PDE1C: variants seen among roughly 807,000 people sequenced by gnomAD.
The protein encoded by PDE1C is dual specificity calcium/calmodulin-dependent 3',5'-cyclic nucleotide phosphodiesterase 1C.
Under a neutral mutation model 93.1 loss-of-function variants are expected in PDE1C, and 62 were observed. That is an observed-to-expected ratio of 0.67 (90% CI 0.54 to 0.82). The LOEUF (loss-of-function observed/expected upper bound fraction) is 0.82. Ranked by LOEUF, PDE1C falls within the 40% of genes least tolerant of loss-of-function variation. PDE1C has a pLI of 0.00. For missense variants in PDE1C, 742 were observed against 884.6 expected (o/e 0.84, Z 2.04); for synonymous variants, 325 against 310.1 (o/e 1.05, Z -0.50).
chr7:32,422,635 G>C (rs536506364), intron 1 of PDE1C, among the ~76,000 whole-genome samples: 1 of 152,242 alleles, frequency 6.6e-6, no homozygotes, highest in African/African-American at 2.4e-5. Flanking sequence ...ATGGCCTCAA[G>C]CTAAATCCAT....
At chr7:31,626,463 A>T in the PDE1C span, among the ~76,000 whole-genome samples, 1 of 152,158 alleles carries the variant, frequency 6.6e-6, no homozygotes, top group African/African-American at 2.4e-5. Context: ...TTTTCCCACT[A>T]TATTTCTGTT....
chr7:32,112,623 CTTT>C (rs11367872), intron 3 of PDE1C, among the ~76,000 whole-genome samples: 13 of 141,052 alleles, frequency 9.2e-5, no homozygotes, highest in Admixed American at 1.4e-4. Flanking sequence ...CATCTAGCTG[CTTT>C]TTTTTTTTTT....
chr7:32,341,330 C>T (rs1013601491), intron 1 of PDE1C, among the ~76,000 whole-genome samples: 1 of 149,348 alleles, frequency 6.7e-6, no homozygotes, highest in Non-Finnish European at 1.5e-5. Flanking sequence ...CGCCCGCTAC[C>T]ACGCCCGGCT....
At position 31,823,250 on chromosome 7, in the gene PDE1C, T is replaced by A; in HGVS notation, c.1407-2A>T. The A allele has an allele frequency of 6.3e-7, 1 of 1,599,122 alleles. No homozygotes were observed. The highest frequency in any genetic ancestry group is 1.8e-5 in the Admixed American group (1 of 56,080). On this transcript the variant is annotated splice_acceptor_variant, in intron 13 of 17. Transcript: ENST00000396191. LOFTEE classifies it high-confidence loss of function. ...TCTGACGAGCTGATGCTATTCAAAC[T>A]GGAAAACAAAAAAATCATACCAAAG...
intron 2 of PDE1C, among the ~76,000 whole-genome samples, chr7:32,037,831 T>C (rs73098621): frequency 0.058 from 8,794 of 152,208 alleles, 300 homozygotes; most frequent in Non-Finnish European, 0.073. Flanking sequence ...ATTGCATAGT[T>C]CCACTCAGTA....
intron 1 of PDE1C, among the ~76,000 whole-genome samples, chr7:32,424,606 G>T (rs1785493527): frequency 6.6e-6 from 1 of 152,144 alleles, no homozygotes; most frequent in Non-Finnish European, 1.5e-5. Context: ...GATCACTTGA[G>T]CCCAGGCCTG....
intron 1 of PDE1C, among the ~76,000 whole-genome samples, chr7:32,216,274 A>ACTGC: frequency 6.6e-6 from 1 of 152,092 alleles, no homozygotes; most frequent in East Asian, 1.9e-4. Context: ...ACAGGTCCCA[A>ACTGC]CTGCCCCCTT....
the PDE1C span, among the ~76,000 whole-genome samples, chr7:31,693,032 T>C: frequency 1.5e-4 from 17 of 115,044 alleles, no homozygotes; most frequent in Middle Eastern, 4.5e-3. Context: ...ACCAGAAACA[T>C]TTCTGCCGCT....
At chr7:31,874,220 T>G (rs1033696462) in intron 5 of PDE1C, among the ~76,000 whole-genome samples, 2 of 152,224 alleles carry the variant, frequency 1.3e-5, no homozygotes, top group African/African-American at 4.8e-5. Flanking sequence ...TTCAAAGTCT[T>G]TGCCTGTAAA....
chr7:32,063,874 G>A (rs1227444047), intron 1 of PDE1C, among the ~76,000 whole-genome samples: 2 of 152,076 alleles, frequency 1.3e-5, no homozygotes, highest in East Asian at 3.9e-4. Flanking sequence ...ACATGTATAA[G>A]ACGTATCTTG....
chr7:32,183,546 G>T (rs1311365859), intron 2 of PDE1C, among the ~76,000 whole-genome samples: 1 of 152,134 alleles, frequency 6.6e-6, no homozygotes, highest in Non-Finnish European at 1.5e-5. Flanking sequence ...AACAAGAAAT[G>T]GGGAAAGGAT....
At chr7:31,643,954 G>C in the PDE1C span, 31 of 1,602,552 alleles carry the variant, frequency 1.9e-5, no homozygotes, top group South Asian at 3.4e-4. Flanking sequence ...GCTATGTTCC[G>C]TAAGTGTTCA....
chr7:31,823,339 T>C lies in PDE1C; in HGVS notation c.1407-91A>G, dbSNP rs1789235591. On this transcript the variant is annotated intron_variant, in intron 13 of 17. Transcript: ENST00000396191. ...AGCCCAGAGGAGGAATGGTTAGCAC[T>C]CCTAAAGTTATTGCTGTGAAATATC... is the stretch of plus-strand genomic sequence containing the variant. The C allele has an allele frequency of 1.2e-5, 12 of 966,304 alleles. No homozygotes were observed. In the South Asian group the frequency reaches 1.9e-4, roughly 16 times the overall value. The allele number at this position is 966,304 out of a possible 1,614,324, so 59.9% of individuals were successfully genotyped here.
intron 2 of PDE1C, among the ~76,000 whole-genome samples, chr7:32,011,053 T>C (rs1787017888): frequency 6.6e-6 from 1 of 152,090 alleles, no homozygotes; most frequent in Non-Finnish European, 1.5e-5. Context: ...AAATTAAGAA[T>C]GTTATACTCT....
intron 2 of PDE1C, among the ~76,000 whole-genome samples, chr7:32,200,758 A>G (rs890823357): frequency 1.3e-5 from 2 of 152,160 alleles, no homozygotes; most frequent in Non-Finnish European, 2.9e-5. Flanking sequence ...ACATCATATC[A>G]TCTCTGCCAC....
chr7:31,643,602 C>T, the PDE1C span: 33 of 1,613,880 alleles, frequency 2.0e-5, no homozygotes, highest in East Asian at 3.8e-4. Flanking sequence ...ATCCTGTTAC[C>T]GCAACAGAAA....
At chr7:31,989,349 A>C (rs1783869505) in intron 2 of PDE1C, among the ~76,000 whole-genome samples, 2 of 152,126 alleles carry the variant, frequency 1.3e-5, no homozygotes, top group South Asian at 4.1e-4. Context: ...TACTCAGTAA[A>C]TGTCTGCTGT....
chr7:32,241,409 G>GC (rs1173954027), intron 1 of PDE1C, among the ~76,000 whole-genome samples: 1 of 152,194 alleles, frequency 6.6e-6, no homozygotes, highest in Non-Finnish European at 1.5e-5. Flanking sequence ...CATGTCAAAT[G>GC]CTGCAGGGTG....
upstream of PDE1C, chr7:32,070,959 C>T (rs2128727678): frequency 1.0e-6 from 1 of 985,698 alleles, no homozygotes; most frequent in African/African-American, 1.7e-5. Flanking sequence ...CTTCGCGCCC[C>T]TCTGTTTTCT....
Sources: allele counts gnomAD v4.1 joint callset (sites outside exome capture counted in the v4.1 genomes callset), GRCh38; gene constraint gnomAD v4.1.1; transcripts MANE v1.5; gene names NCBI Gene and HGNC (gene_info 2026-07-23, HGNC 2026-07-21).